PXN: variants seen among roughly 807,000 people sequenced by gnomAD.
The protein encoded by PXN is testicular tissue protein Li 134.
Under a neutral mutation model 103.6 loss-of-function variants are expected in PXN, and 61 were observed. The observed-to-expected ratio is 0.59, with a 90% CI of 0.48 to 0.73. The LOEUF (loss-of-function observed/expected upper bound fraction) is 0.73, where lower values mean the gene tolerates loss of function less well. Ranked by LOEUF, PXN falls within the 30% of genes least tolerant of loss-of-function variation. The pLI is 0.00. For missense variants in PXN, 1,274 were observed against 1,460.3 expected, an observed-to-expected ratio of 0.87 and a Z score of 2.08; for synonymous variants, 562 against 607.8, an observed-to-expected ratio of 0.92 and a Z score of 1.11.
At position 120,214,315 on chromosome 12, in the gene PXN, T is replaced by A; in HGVS notation, c.2749-98A>T. 1 of 1,060,334 alleles carries A rather than the reference T, an allele frequency of 9.4e-7. No individual in the cohort carries two copies. Among genetic ancestry groups the A allele is most frequent in the Non-Finnish European group, 1.4e-6 (1 of 710,878 alleles). The allele number at this position is 1,060,334 out of a possible 1,614,324, so 65.7% of individuals were successfully genotyped here. Reference sequence around the variant, plus strand: ...TCCTTCCACCCGCAGCTCATAGCCATAGACAGAGCAAAACACTCCCAAGAT... The same window carrying A: ...TCCTTCCACCCGCAGCTCATAGCCAAAGACAGAGCAAAACACTCCCAAGAT... On this transcript the variant is annotated intron_variant, in intron 12 of 14. Coordinates refer to ENST00000637617, the MANE Select transcript of PXN (RefSeq NM_001385981.1). The surrounding 1 kb of genome is among the most constrained non-coding windows in gnomAD (Gnocchi z 5.0).
At chr12:120,259,589 C>T (rs1035047118) in intron 1 of PXN, among the ~76,000 whole-genome samples, 1 of 152,156 alleles carries the variant, frequency 6.6e-6, no homozygotes, top group African/African-American at 2.4e-5. Flanking sequence ...TGGCCAACCG[C>T]ATGTTCTGTC....
chr12:120,264,650 G>T (rs1894398768), intron 1 of PXN, among the ~76,000 whole-genome samples: 2 of 152,226 alleles, frequency 1.3e-5, no homozygotes, highest in South Asian at 4.1e-4. Context: ...TCTGTTCTGG[G>T]CATCCTGTCC....
In PXN at chr12:120,215,393, C is replaced by A; in HGVS notation, c.2404-120G>T. ...GATGAGCTGATGGAGACAAGAAGTACAACCTCCTCCAGGGGCCAGGAGCCC... is the reference window on the plus strand; with the variant it reads ...GATGAGCTGATGGAGACAAGAAGTAAAACCTCCTCCAGGGGCCAGGAGCCC... On this transcript the variant is annotated intron_variant, in intron 10 of 14. Transcript: ENST00000637617. This position sits in a 1 kb window ranked among gnomAD's most constrained non-coding sequence, Gnocchi z 4.9. The A allele has an allele frequency of 1.4e-6, 2 of 1,457,884 alleles. No homozygotes were observed. Among genetic ancestry groups the A allele is most frequent in the Non-Finnish European group, 1.8e-6 (2 of 1,105,350 alleles). 90.3% of individuals were successfully genotyped at this position (1,457,884 alleles called of 1,614,324 possible).
At chr12:120,245,510 G>A (rs1450948646) in intron 1 of PXN, among the ~76,000 whole-genome samples, 2 of 151,806 alleles carry the variant, frequency 1.3e-5, no homozygotes, top group African/African-American at 2.4e-5. Flanking sequence ...GAATGCGGCC[G>A]GGCACAGTGG....
rs149454617 is a variant in PXN, at chr12:120,217,312, C to T, written c.1717-196G>A. 6.1e-3 allele frequency among the ~76,000 whole-genome samples: 923 copies of T among 152,192 alleles called. 10 individuals are homozygous for T. Among genetic ancestry groups the T allele is most frequent in the African/African-American group, 0.021 (880 of 41,516 alleles). ...GTAGAGGCAAGGGGAGGGGGCAGAT[C>T]GGACTGGCTCCAGAAGCACAGGCTG... is the stretch of plus-strand genomic sequence containing the variant. On this transcript the variant is annotated intron_variant, in intron 7 of 14. Coordinates refer to ENST00000637617, the MANE Select transcript of PXN (RefSeq NM_001385981.1). The surrounding 1 kb of genome is among the most constrained non-coding windows in gnomAD (Gnocchi z 4.1).
At chr12:120,250,009 C>T (rs11615225) in intron 1 of PXN, 11,985 of 985,256 alleles carry the variant, frequency 0.012, 65 homozygotes, top group Non-Finnish European at 0.014. Flanking sequence ...GCTGCCAAGT[C>T]GTGTCTCTGA....
rs747342646 is a variant in PXN, at chr12:120,219,949, C to G, written c.974G>C (p.Gly325Ala). ...PTTIPSPRGQ[G>A]HTPEFPCTEQ... ...AGTACAAGGGAACTCCGGAGTGTGG[C>G]CCTGGCCTCGAGGGGAGGGTATAGT... The change falls in exon 7 of 15, where the codon GGC becomes GCC. Residue 325 changes from glycine to alanine, a missense_variant. This residue lies in a region of PXN where 1,178 missense variants were observed against 1,309.0 expected (regional missense o/e 0.90). Coordinates refer to ENST00000637617, the MANE Select transcript of PXN (RefSeq NM_001385981.1). The surrounding 1 kb of genome is among the most constrained non-coding windows in gnomAD (Gnocchi z 6.5). 6.3e-7 allele frequency: 1 copy of G among 1,597,274 alleles called. No individual in the cohort carries two copies. The highest frequency in any genetic ancestry group is 8.5e-7 in the Non-Finnish European group (1 of 1,178,792).
rs1320981783 is a variant in PXN at position 120,217,614 on chromosome 12, C to T, written c.1717-498G>A. Among the ~76,000 whole-genome samples, 1 of 151,910 alleles carries T rather than the reference C, an allele frequency of 6.6e-6. No individual in the cohort carries two copies. The highest frequency in any genetic ancestry group is 2.4e-5 in the African/African-American group (1 of 41,324). On this transcript the variant is annotated intron_variant, in intron 7 of 14. Transcript: ENST00000637617. The surrounding 1 kb of genome is among the most constrained non-coding windows in gnomAD (Gnocchi z 4.1). ...TTTTGGGGGGGGACAGAGTCTCGCT[C>T]TGTCGCCCAGGCTGGAATGCAGTGG...
rs777086776 is a variant in PXN, at chr12:120,219,681, AG to A, written c.1241del (p.Pro414LeufsTer48). 3.1e-6 allele frequency: 5 copies of A among 1,588,500 alleles called. No individual in the cohort carries two copies. The Admixed American group carries it at 5.2e-5, about 16-fold the overall frequency. ...TGGCTGGTGGCCCCTGGGGCTCCCC[AG>A]GCTCTTGGAGAGCTGTGCTCCCAGC... Reference protein sequence around the residue: ...PCAGSTALQEPGEPQGPPASP... With the variant: ...PCAGSTALQEXGEPQGPPASP... On this transcript the variant is annotated frameshift_variant, in exon 7 of 15. Coordinates refer to ENST00000637617, the MANE Select transcript of PXN (RefSeq NM_001385981.1). LOFTEE classifies it high-confidence loss of function. This position sits in a 1 kb window ranked among gnomAD's most constrained non-coding sequence, Gnocchi z 6.5.
rs1021236804 is a variant in PXN at position 120,216,282 on chromosome 12, G to A, written c.2292C>T (p.Pro764=). The A allele has an allele frequency of 1.3e-5, 17 of 1,277,368 alleles. No individual in the cohort carries two copies. The highest frequency in any genetic ancestry group is 3.1e-5 in the South Asian group (1 of 32,690). The allele number at this position is 1,277,368 out of a possible 1,614,324, so 79.1% of individuals were successfully genotyped here. A position where few individuals can be genotyped will look rare whatever the true frequency, so the allele number is the denominator to read the frequency against. The change falls in exon 9 of 15, where the codon CCC becomes CCT. Residue 764 remains proline, a synonymous_variant. Transcript: ENST00000637617. The surrounding 1 kb of genome is among the most constrained non-coding windows in gnomAD (Gnocchi z 5.1). ...GCQTDEDPLF[P]PMQIQGLEQR... ...CTCCTTTAAGGCCTGCCTGCATCGG[G>A]GGGAAGAGCGGGTCCTCATCAGTCT...
At chr12:120,244,689 G>A (rs1235732055) in intron 1 of PXN, among the ~76,000 whole-genome samples, 1 of 151,128 alleles carries the variant, frequency 6.6e-6, no homozygotes, top group Non-Finnish European at 1.5e-5. Flanking sequence ...TGGGCGCAGT[G>A]GCAGACGCTT....
intron 1 of PXN, among the ~76,000 whole-genome samples, chr12:120,243,155 C>T (rs1890453014): frequency 6.6e-6 from 1 of 152,184 alleles, no homozygotes; most frequent in South Asian, 2.1e-4. Context: ...TTCCCTCTCC[C>T]TAGACCTCTC....
In PXN at chr12:120,217,027, G is replaced by A; in HGVS notation, c.1806C>T (p.Ala602=). 1 of 1,583,218 alleles carries A rather than the reference G, an allele frequency of 6.3e-7. No individual in the cohort carries two copies. Among genetic ancestry groups the A allele is most frequent in the South Asian group, 1.1e-5 (1 of 88,196 alleles). The part of the protein sequence containing the change: ...EPSPRRRLDP[A]TLSRTPSQEQ... ...CCTGGGATGGGGTCCTGCTCAAGGTGGCAGGGTCCAGCCGGCGGCGAGGGG... is the reference window on the plus strand; with the variant it reads ...CCTGGGATGGGGTCCTGCTCAAGGTAGCAGGGTCCAGCCGGCGGCGAGGGG... Residue 602 remains alanine (A), a synonymous_variant, in exon 8 of 15, where the codon GCC becomes GCT. Transcript: ENST00000637617. The surrounding 1 kb of genome is among the most constrained non-coding windows in gnomAD (Gnocchi z 4.1).
chr12:120,228,040 AAAG>A lies in PXN; in HGVS notation c.14-3666_14-3664del, dbSNP rs2136382288. ...TAAATATTCCTGCTCCTCATACCCC[AAAG>A]AAGGTGTCAGGCTATCCACTCTTCA... is the stretch of plus-strand genomic sequence containing the variant. On this transcript the variant is annotated intron_variant, in intron 1 of 14. Transcript: ENST00000637617. The surrounding 1 kb of genome is among the most constrained non-coding windows in gnomAD (Gnocchi z 4.7). 6.6e-6 allele frequency among the ~76,000 whole-genome samples: 1 copy of A among 152,286 alleles called. No individual in the cohort carries two copies. Among genetic ancestry groups the A allele is most frequent in the East Asian group, 1.9e-4 (1 of 5,180 alleles).
intron 1 of PXN, among the ~76,000 whole-genome samples, chr12:120,236,235 C>T (rs985927810): frequency 1.6e-4 from 25 of 152,362 alleles, no homozygotes; most frequent in African/African-American, 4.6e-4. Context: ...CACTGGCTCT[C>T]GACCCTGACG....
Position 120,224,319 on chromosome 12 carries a change from G to C in PXN, c.72C>G (p.Phe24Leu). ...TTSHISKRPV[F>L]LSEETPYSYP... ...ATGAGTAGGGGGTCTCCTCCGACAA[G>C]AACACAGGCCGTTTGGAGATGTGGG... The change falls in exon 2 of 15, where the codon TTC becomes TTG. Residue 24 changes from phenylalanine (F) to leucine (L), a missense_variant. Around this residue, in one of 2 missense-constraint regions of PXN, gnomAD observed 1,178 missense variants for 1,309.0 expected, o/e 0.90. Coordinates refer to ENST00000637617, the MANE Select transcript of PXN (RefSeq NM_001385981.1). The surrounding 1 kb of genome is among the most constrained non-coding windows in gnomAD (Gnocchi z 5.0). The C allele has an allele frequency of 6.2e-7, 1 of 1,614,020 alleles. No homozygotes were observed. Among genetic ancestry groups the C allele is most frequent in the Non-Finnish European group, 8.5e-7 (1 of 1,179,896 alleles).
At position 120,215,520 on chromosome 12, in the gene PXN, G is replaced by GCACGA. The variant is rs779656363; in HGVS notation, c.2403+35_2403+39dup. The GCACGA allele has an allele frequency of 6.5e-6, 10 of 1,538,016 alleles. No homozygotes were observed. The African/African-American group carries it at 1.4e-4, about 21-fold the overall frequency. ...GCAGGCATGGCCAAGCCCAGGGAGA[G>GCACGA]CACGACACGCAGGACACCCAGCCCA... On this transcript the variant is annotated intron_variant, in intron 10 of 14. Coordinates refer to ENST00000637617, the MANE Select transcript of PXN (RefSeq NM_001385981.1). This position sits in a 1 kb window ranked among gnomAD's most constrained non-coding sequence, Gnocchi z 4.9.
At chr12:120,238,389 G>A (rs1889517288) in intron 1 of PXN, among the ~76,000 whole-genome samples, 1 of 152,160 alleles carries the variant, frequency 6.6e-6, no homozygotes, top group African/African-American at 2.4e-5. Context: ...TGTGCCCGGG[G>A]GTTCATGCAG....
rs191940341 is a variant in PXN, at chr12:120,217,772, T to C, written c.1717-656A>G. Reference sequence around the variant, plus strand: ...TTTTTGTTGTTGTTGTTTTTTGTTTTTTTTTTTAGTAGAGATGGGGTTTCA... The same window carrying C: ...TTTTTGTTGTTGTTGTTTTTTGTTTCTTTTTTTAGTAGAGATGGGGTTTCA... On this transcript the variant is annotated intron_variant, in intron 7 of 14. Coordinates refer to ENST00000637617, the MANE Select transcript of PXN (RefSeq NM_001385981.1). This position sits in a 1 kb window ranked among gnomAD's most constrained non-coding sequence, Gnocchi z 4.1. 8.2e-4 allele frequency among the ~76,000 whole-genome samples: 125 copies of C among 151,592 alleles called. No individual in the cohort carries two copies. The highest frequency in any genetic ancestry group is 3.0e-3 in the Admixed American group (46 of 15,228).
Sources: allele counts gnomAD v4.1 joint callset (sites outside exome capture counted in the v4.1 genomes callset), GRCh38; gene constraint gnomAD v4.1.1; regional missense constraint gnomAD v4.1.1; non-coding constraint Gnocchi (gnomAD v3.1); transcripts MANE v1.5; gene names NCBI Gene and HGNC (gene_info 2026-07-23, HGNC 2026-07-21).